The following SPAST variants were observed in gnomAD, a reference collection of about 807,000 sequenced individuals.
The protein encoded by SPAST is spastic paraplegia 4 (autosomal dominant; spastin).
SPAST carries 30 observed loss-of-function variants against 76.6 expected under a neutral mutation model. The ratio of observed to expected loss-of-function variants is 0.39; its 90% CI spans 0.29 to 0.53. SPAST has a LOEUF of 0.53. Ranked by LOEUF, SPAST falls within the 20% of genes least tolerant of loss-of-function variation. The pLI, the probability that SPAST is intolerant of heterozygous loss-of-function variation, is 0.68. For missense variants in SPAST, 717 were observed against 770.5 expected, an observed-to-expected ratio of 0.93 and a Z score of 0.82; for synonymous variants, 305 against 281.0, an observed-to-expected ratio of 1.09 and a Z score of -0.86.
At chr2:32,107,885 A>T (rs1225111924) in intron 4 of SPAST, among the ~76,000 whole-genome samples, 1 of 152,162 alleles carries the variant, frequency 6.6e-6, no homozygotes, top group African/African-American at 2.4e-5. Flanking sequence ...CTTCTGGAAC[A>T]TTCTGTGATG....
intron 1 of SPAST, among the ~76,000 whole-genome samples, chr2:32,075,481 A>C (rs1366319198): frequency 5.4e-5 from 4 of 73,636 alleles, no homozygotes; most frequent in Non-Finnish European, 1.2e-4. Context: ...TTGTGATGAC[A>C]AAAAAAAAAA....
intron 1 of SPAST, among the ~76,000 whole-genome samples, chr2:32,065,427 GT>G (rs1334279694): frequency 6.6e-6 from 1 of 152,128 alleles, no homozygotes; most frequent in Non-Finnish European, 1.5e-5. Flanking sequence ...CATGAAAAGT[GT>G]TATTTAATCC....
At chr2:32,117,594 T>C (rs1421822427) in intron 7 of SPAST, among the ~76,000 whole-genome samples, 2 of 151,236 alleles carry the variant, frequency 1.3e-5, no homozygotes, top group African/African-American at 4.9e-5. Flanking sequence ...TGCAGTGGCT[T>C]GATGTTGGCT....
intron 8 of SPAST, 81 bp from the exon 9 acceptor site, chr2:32,128,327 G>T (rs1679261176): frequency 1.9e-6 from 2 of 1,026,068 alleles, no homozygotes; most frequent in African/African-American, 3.2e-5. Context: ...ATCTTTTCTA[G>T]TACTTAAATC....
intron 12 of SPAST, among the ~76,000 whole-genome samples, chr2:32,137,625 A>G (rs2148754744): frequency 6.6e-6 from 1 of 152,344 alleles, no homozygotes; most frequent in East Asian, 1.9e-4. Context: ...CAAGGAATTT[A>G]CAATATTGCT....
intron 4 of SPAST, among the ~76,000 whole-genome samples, chr2:32,103,108 G>C (rs1385657192): frequency 6.6e-6 from 1 of 152,082 alleles, no homozygotes; most frequent in African/African-American, 2.4e-5. Context: ...GACTTTTTTT[G>C]GTTAGTAGGC....
intron 1 of SPAST, among the ~76,000 whole-genome samples, chr2:32,076,746 A>G (rs1432003590): frequency 2.0e-5 from 3 of 151,774 alleles, no homozygotes; most frequent in South Asian, 4.2e-4. Context: ...GAAATGGACT[A>G]TTCCCATTTC....
intron 7 of SPAST, among the ~76,000 whole-genome samples, chr2:32,121,306 C>G (rs1679009861): frequency 6.6e-6 from 1 of 151,826 alleles, no homozygotes; most frequent in Non-Finnish European, 1.5e-5. Context: ...GCATCTGCCA[C>G]CACGCCCAGC....
chr2:32,138,187 T>C (rs562669487), intron 12 of SPAST, among the ~76,000 whole-genome samples: 1 of 152,356 alleles, frequency 6.6e-6, no homozygotes, highest in Non-Finnish European at 1.5e-5. Flanking sequence ...AGTAATGGGA[T>C]TTCAGGGTCA....
rs1490909244 is a variant in SPAST at position 32,064,131 on chromosome 2, C to T, written c.300C>T (p.Ala100=). ...KRSSGAAPAP[A]SASAPAPVPG... ...GCTCCGGGGCCGCGCCAGCACCTGCCTCGGCCTCGGCCCCGGCGCCGGTGC... is the reference window on the plus strand; with the variant it reads ...GCTCCGGGGCCGCGCCAGCACCTGCTTCGGCCTCGGCCCCGGCGCCGGTGC... Residue 100 remains alanine (A), a synonymous_variant, in exon 1 of 17, where the codon GCC becomes GCT. Coordinates refer to ENST00000315285, the MANE Select transcript of SPAST (RefSeq NM_014946.4). 6.3e-7 allele frequency: 1 copy of T among 1,575,244 alleles called. No homozygotes were observed. Among genetic ancestry groups the T allele is most frequent in the Non-Finnish European group, 8.6e-7 (1 of 1,161,338 alleles).
intron 7 of SPAST, among the ~76,000 whole-genome samples, chr2:32,124,473 G>C (rs1279052808): frequency 1.3e-5 from 2 of 151,548 alleles, no homozygotes; most frequent in African/African-American, 4.8e-5. Context: ...GTTTTTTACA[G>C]AACTAAAGAC....
chr2:32,097,834 C>T (rs369378507), intron 3 of SPAST, among the ~76,000 whole-genome samples: 2 of 151,994 alleles, frequency 1.3e-5, no homozygotes, highest in Non-Finnish European at 2.9e-5. Flanking sequence ...GTTGGGACTA[C>T]AGGCGCGTGC....
chr2:32,149,416 A>G (rs1430530600), intron 16 of SPAST, among the ~76,000 whole-genome samples: 2 of 152,078 alleles, frequency 1.3e-5, no homozygotes, highest in African/African-American at 4.8e-5. Context: ...ACCGTTTCTT[A>G]ATATGGAAGA....
intron 4 of SPAST, among the ~76,000 whole-genome samples, chr2:32,105,756 G>T (rs900573906): frequency 6.6e-6 from 1 of 152,216 alleles, no homozygotes; most frequent in African/African-American, 2.4e-5. Flanking sequence ...GGTATCACCA[G>T]CGGAGGCTGC....
At chr2:32,069,074 A>T (rs982384826) in intron 1 of SPAST, among the ~76,000 whole-genome samples, 2 of 151,948 alleles carry the variant, frequency 1.3e-5, no homozygotes, top group African/African-American at 2.4e-5. Flanking sequence ...TTAGCTGGGC[A>T]TAGTGGTGCA....
chr2:32,116,432 A>T (rs1007504662), intron 7 of SPAST, among the ~76,000 whole-genome samples: 12 of 152,180 alleles, frequency 7.9e-5, no homozygotes, highest in Non-Finnish European at 1.3e-4. Flanking sequence ...CAATCCTTTT[A>T]TATTTTTAGG....
intron 7 of SPAST, among the ~76,000 whole-genome samples, chr2:32,124,616 T>C (rs932149606): frequency 5.9e-5 from 9 of 152,194 alleles, no homozygotes; most frequent in Admixed American, 3.9e-4. Flanking sequence ...GCATTATTCA[T>C]AGTTGCCAAA....
intron 16 of SPAST, among the ~76,000 whole-genome samples, chr2:32,147,787 A>G (rs1162326133): frequency 6.6e-6 from 1 of 151,188 alleles, no homozygotes; most frequent in Non-Finnish European, 1.5e-5. Context: ...GCCCACCACC[A>G]CGCCTGGCTA....
chr2:32,153,372 G>T (rs1680150642), intron 16 of SPAST, among the ~76,000 whole-genome samples: 1 of 147,560 alleles, frequency 6.8e-6, no homozygotes, highest in Non-Finnish European at 1.5e-5. Context: ...GCCCAAGCTG[G>T]AGTGCAATGG....
Sources: allele counts gnomAD v4.1 joint callset (sites outside exome capture counted in the v4.1 genomes callset), GRCh38; gene constraint gnomAD v4.1.1; transcripts MANE v1.5; gene names NCBI Gene and HGNC (gene_info 2026-07-23, HGNC 2026-07-21).